The following MAML3 variants were observed in gnomAD, a reference collection of about 807,000 sequenced individuals.
MAML3 encodes the protein mastermind like transcriptional coactivator 3, also known as mastermind-like protein 3.
MAML3 carries 27 observed loss-of-function variants against 101.9 expected under a neutral mutation model. The ratio of observed to expected loss-of-function variants is 0.27; its 90% confidence interval spans 0.20 to 0.37. MAML3 has a LOEUF of 0.37. Ranked by LOEUF, MAML3 falls within the 10% of genes least tolerant of loss-of-function variation. The probability of loss-of-function intolerance (pLI) is 1.00; values close to 1 mark genes in which losing one functional copy is unlikely to be tolerated. For synonymous variants in MAML3, 501 were observed against 555.9 expected (o/e 0.90, Z 1.39); for missense variants, 1,316 against 1,444.9 (o/e 0.91, Z 1.45).
intron 1 of MAML3, among the ~76,000 whole-genome samples, chr4:140,052,225 G>A (rs981993158): frequency 3.3e-5 from 5 of 152,190 alleles, no homozygotes; most frequent in African/African-American, 1.2e-4. Flanking sequence ...ACTAAAATGA[G>A]TATTAAGTGA....
chr4:139,883,559 G>C (rs1265657081), intron 2 of MAML3, among the ~76,000 whole-genome samples: 3 of 152,128 alleles, frequency 2.0e-5, no homozygotes, highest in African/African-American at 7.2e-5. Flanking sequence ...ACTGTGTGTG[G>C]GGGGGTTGTG....
intron 1 of MAML3, among the ~76,000 whole-genome samples, chr4:139,934,144 G>T (rs750250809): frequency 8.6e-5 from 13 of 151,982 alleles, no homozygotes; most frequent in Non-Finnish European, 1.3e-4. Flanking sequence ...AATGTCATGT[G>T]TGAATGTGTT....
chr4:140,046,380 TTTG>T (rs1727183628), intron 1 of MAML3, among the ~76,000 whole-genome samples: 1 of 152,204 alleles, frequency 6.6e-6, no homozygotes. Context: ...GAACTAAATT[TTTG>T]TTGCTTTAAA....
chr4:139,795,698 C>G (rs753130997), intron 2 of MAML3, among the ~76,000 whole-genome samples: 2 of 152,226 alleles, frequency 1.3e-5, no homozygotes, highest in African/African-American at 2.4e-5. Flanking sequence ...GTCTTGAAAG[C>G]TGCAAGCAGG....
intron 1 of MAML3, among the ~76,000 whole-genome samples, chr4:140,090,982 G>C (rs143502843): frequency 6.6e-6 from 1 of 152,100 alleles, no homozygotes; most frequent in Admixed American, 6.5e-5. Flanking sequence ...TCCAGGAGGC[G>C]GAGGTTGCAG....
rs577523640 is a variant in MAML3, at chr4:139,867,175, C to T, written c.2079+22182G>A. On this transcript the variant is annotated intron_variant, in intron 2 of 4. Coordinates refer to ENST00000509479, the MANE Select transcript of MAML3 (RefSeq NM_018717.5). ...CCTTTTACAAAGCCAATAACCATTCCGTCTGGATTGTCATGTATTTTTTAC... is the reference window on the plus strand; with the variant it reads ...CCTTTTACAAAGCCAATAACCATTCTGTCTGGATTGTCATGTATTTTTTAC... 1.8e-4 allele frequency among the ~76,000 whole-genome samples: 28 copies of T among 152,256 alleles called. 1 individual carries two copies. The highest frequency in any genetic ancestry group is 6.5e-4 in the African/African-American group (27 of 41,532).
chr4:139,854,183 C>T (rs1281076921), intron 2 of MAML3, among the ~76,000 whole-genome samples: 2 of 151,898 alleles, frequency 1.3e-5, no homozygotes, highest in African/African-American at 4.8e-5. Context: ...AGGAATATAG[C>T]CTCACAGGTC....
chr4:139,894,319 G>C (rs1405853170), intron 1 of MAML3, among the ~76,000 whole-genome samples: 1 of 152,014 alleles, frequency 6.6e-6, no homozygotes, highest in Non-Finnish European at 1.5e-5. Context: ...GACCATCCTG[G>C]CCAACACGGT....
Position 139,785,607 on chromosome 4 carries a change from G to A in MAML3, c.2080-54940C>T, listed in dbSNP as rs1295840841. Among the ~76,000 whole-genome samples the A allele has an allele frequency of 1.3e-5, 2 of 152,146 alleles. No homozygotes were observed. Among genetic ancestry groups the A allele is most frequent in the African/African-American group, 4.8e-5 (2 of 41,436 alleles). On this transcript the variant is annotated intron_variant, in intron 2 of 4. Transcript: ENST00000509479. This position sits in a 1 kb window ranked among gnomAD's most constrained non-coding sequence, Gnocchi z 4.3. ...AAATATCACCCAGCACGAACAATAT[G>A]GCTCCCCAGCGCCTGGGGCACTGCA...
chr4:139,880,758 A>G (rs185126160), intron 2 of MAML3, among the ~76,000 whole-genome samples: 19 of 152,308 alleles, frequency 1.2e-4, no homozygotes, highest in African/African-American at 4.3e-4. Context: ...TAAAATTATA[A>G]ATTTCAATTT....
chr4:140,068,391 C>G (rs1727575033), intron 1 of MAML3, among the ~76,000 whole-genome samples: 1 of 152,204 alleles, frequency 6.6e-6, no homozygotes, highest in South Asian at 2.1e-4. Context: ...TGATCACTAA[C>G]TTGAAGGCAC....
Position 140,008,807 on chromosome 4 carries a change from G to A in MAML3, c.469-117840C>T, listed in dbSNP as rs78753146. ...ACCTGATCTGCAACTGACTCCTTGC[G>A]ATAAAAGACACTTCTGTCAGGCACT... On this transcript the variant is annotated intron_variant, in intron 1 of 4. Transcript: ENST00000509479. 5.6e-3 allele frequency among the ~76,000 whole-genome samples: 853 copies of A among 152,272 alleles called. 6 individuals carry two copies. The highest frequency in any genetic ancestry group is 0.019 in the African/African-American group (773 of 41,554).
At chr4:139,789,894 G>C (rs1017091780) in intron 2 of MAML3, among the ~76,000 whole-genome samples, 4 of 151,988 alleles carry the variant, frequency 2.6e-5, no homozygotes, top group Admixed American at 2.6e-4. Flanking sequence ...GACTAAACTT[G>C]GGTGACTGAG....
In MAML3 at chr4:140,011,569, C is replaced by T. The variant is rs528921918; in HGVS notation, c.469-120602G>A. ...CCTTGTTAGCCAGGATGGTCTCGAT[C>T]TCCTGACCTCATGATCCACCCGCCT... On this transcript the variant is annotated intron_variant, in intron 1 of 4. Coordinates refer to ENST00000509479, the MANE Select transcript of MAML3 (RefSeq NM_018717.5). Among the ~76,000 whole-genome samples the T allele has an allele frequency of 4.7e-4, 71 of 151,462 alleles. 2 individuals carry two copies. In the East Asian group the frequency reaches 0.013, roughly 27 times the overall value.
At chr4:140,002,437 C>G (rs180807871) in intron 1 of MAML3, among the ~76,000 whole-genome samples, 2 of 152,098 alleles carry the variant, frequency 1.3e-5, no homozygotes, top group African/African-American at 4.8e-5. Context: ...GAGGTGGAAG[C>G]AAAAGCAGAA....
intron 2 of MAML3, among the ~76,000 whole-genome samples, chr4:139,814,768 A>T (rs1464296326): frequency 2.0e-5 from 3 of 152,056 alleles, no homozygotes; most frequent in African/African-American, 7.2e-5. Context: ...TCCTACCTGC[A>T]TCTGAGCTTT....
chr4:139,901,574 A>G (rs539345242), intron 1 of MAML3, among the ~76,000 whole-genome samples: 1 of 152,346 alleles, frequency 6.6e-6, no homozygotes, highest in Non-Finnish European at 1.5e-5. Context: ...TTAGAGCTGT[A>G]AAGAAATGCC....
At position 140,120,004 on chromosome 4, in the gene MAML3, G is replaced by A. The variant is rs563446023; in HGVS notation, c.468+32856C>T. 1.1e-4 allele frequency among the ~76,000 whole-genome samples: 17 copies of A among 152,162 alleles called. No homozygotes were observed. In the East Asian group the frequency reaches 3.1e-3, roughly 28 times the overall value. On this transcript the variant is annotated intron_variant, in intron 1 of 4. Coordinates refer to ENST00000509479, the MANE Select transcript of MAML3 (RefSeq NM_018717.5). ...TGTAATCCCAGCACTTTGGGAGGCC[G>A]AGGCAGGCGGATCACGAGGTCAGGA...
chr4:139,808,707 C>T (rs1029916656), intron 2 of MAML3, among the ~76,000 whole-genome samples: 7 of 152,200 alleles, frequency 4.6e-5, no homozygotes, highest in South Asian at 2.1e-4. Context: ...CCCAACATCC[C>T]CTCCCAAACT....
Sources: allele counts gnomAD v4.1 joint callset (sites outside exome capture counted in the v4.1 genomes callset), GRCh38; gene constraint gnomAD v4.1.1; non-coding constraint Gnocchi (gnomAD v3.1); transcripts MANE v1.5; gene names NCBI Gene and HGNC (gene_info 2026-07-23, HGNC 2026-07-21).